BTBD9: variants seen among roughly 807,000 people sequenced by gnomAD.
The protein encoded by BTBD9 is BTB domain containing 9.
A neutral mutation model predicts 64.3 loss-of-function variants in BTBD9; 49 were observed. The observed-to-expected ratio is 0.76, with a 90% CI of 0.61 to 0.97. The LOEUF (loss-of-function observed/expected upper bound fraction) is 0.97. BTBD9 is among the 50% of genes least tolerant of loss of function. The pLI, the probability that BTBD9 is intolerant of heterozygous loss-of-function variation, is 0.00. For missense variants in BTBD9, 598 were observed against 762.1 expected (o/e 0.78, Z 2.53); for synonymous variants, 260 against 274.7 (o/e 0.95, Z 0.53).
intron 6 of BTBD9, among the ~76,000 whole-genome samples, chr6:38,424,594 G>A (rs1285371728): frequency 6.6e-6 from 1 of 151,722 alleles, no homozygotes; most frequent in Non-Finnish European, 1.5e-5. Flanking sequence ...TCGACTCATT[G>A]CAACCGCTGC....
intron 4 of BTBD9, among the ~76,000 whole-genome samples, chr6:38,580,804 T>A (rs188651915): frequency 7.4e-4 from 113 of 152,290 alleles, no homozygotes; most frequent in African/African-American, 2.6e-3. Context: ...TGCTTGAGAC[T>A]AATGTTATTT....
At chr6:38,179,067 G>T (rs1582000854) in intron 10 of BTBD9, among the ~76,000 whole-genome samples, 1 of 152,174 alleles carries the variant, frequency 6.6e-6, no homozygotes, top group South Asian at 2.1e-4. Flanking sequence ...TGGCCAGGAT[G>T]GTCTTGATCT....
chr6:38,500,823 C>G (rs1036488221), intron 6 of BTBD9, among the ~76,000 whole-genome samples: 4 of 152,170 alleles, frequency 2.6e-5, no homozygotes, highest in African/African-American at 9.7e-5. Context: ...ATGCCAGTGA[C>G]AAGAACAGAT....
intron 6 of BTBD9, among the ~76,000 whole-genome samples, chr6:38,352,376 GA>G (rs926462198): frequency 6.0e-4 from 84 of 139,482 alleles, no homozygotes; most frequent in Admixed American, 6.4e-4. Flanking sequence ...AACTCTGTCT[GA>G]AAAAAAAAAA....
At chr6:38,559,218 A>G (rs760792113) in intron 6 of BTBD9, among the ~76,000 whole-genome samples, 1 of 152,134 alleles carries the variant, frequency 6.6e-6, no homozygotes, top group Non-Finnish European at 1.5e-5. Flanking sequence ...GTGTTTTCAT[A>G]ATAGTTTCAG....
At chr6:38,521,985 ACTT>A (rs1427112117) in intron 6 of BTBD9, among the ~76,000 whole-genome samples, 1 of 151,746 alleles carries the variant, frequency 6.6e-6, no homozygotes, top group Non-Finnish European at 1.5e-5. Flanking sequence ...CCTCCTCTCT[ACTT>A]CTAAGTTATC....
Position 38,513,181 on chromosome 6 carries a change from T to C in BTBD9, c.1154+64419A>G, listed in dbSNP as rs550072072. Among the ~76,000 whole-genome samples the C allele has an allele frequency of 9.9e-5, 15 of 152,256 alleles. No homozygotes were observed. The South Asian group carries it at 3.1e-3, about 32-fold the overall frequency. Reference sequence around the variant, plus strand: ...ATTTGAAGAAGTGCTCCTGGCTGGATGCAGTGGCTCATGCCTATAATCCTA... The same window carrying C: ...ATTTGAAGAAGTGCTCCTGGCTGGACGCAGTGGCTCATGCCTATAATCCTA... On this transcript the variant is annotated intron_variant, in intron 6 of 10. Coordinates refer to ENST00000481247, the MANE Select transcript of BTBD9 (RefSeq NM_001099272.2).
In BTBD9 at chr6:38,233,496, A is replaced by G. The variant is rs1763681144; in HGVS notation, c.1562+22913T>C. On this transcript the variant is annotated intron_variant, in intron 9 of 10. Coordinates refer to ENST00000481247, the MANE Select transcript of BTBD9 (RefSeq NM_001099272.2). ...GAAAGAGCACACACCCCTTATGCCC[A>G]TTCTACTGCATCCAGCACACAAGGC... Among the ~76,000 whole-genome samples, 3 of 152,182 alleles carry G rather than the reference A, an allele frequency of 2.0e-5. No individual in the cohort carries two copies. In the South Asian group the frequency reaches 6.2e-4, roughly 32 times the overall value.
intron 6 of BTBD9, among the ~76,000 whole-genome samples, chr6:38,411,723 C>T (rs1385214200): frequency 6.6e-6 from 1 of 152,018 alleles, no homozygotes; most frequent in Non-Finnish European, 1.5e-5. Flanking sequence ...ATTACTTGAG[C>T]TGAGGAGTTT....
intron 9 of BTBD9, among the ~76,000 whole-genome samples, chr6:38,250,443 C>T (rs756766779): frequency 2.0e-5 from 3 of 152,194 alleles, no homozygotes; most frequent in African/African-American, 7.2e-5. Context: ...CAGAACAGTA[C>T]AATTCTTCCA....
chr6:38,377,403 G>C (rs1765733146), intron 6 of BTBD9, among the ~76,000 whole-genome samples: 1 of 152,076 alleles, frequency 6.6e-6, no homozygotes, highest in African/African-American at 2.4e-5. Flanking sequence ...TATTCATTAT[G>C]GTACCTTTTA....
intron 7 of BTBD9, among the ~76,000 whole-genome samples, chr6:38,335,115 G>C (rs1763843356): frequency 6.6e-6 from 1 of 152,034 alleles, no homozygotes; most frequent in Non-Finnish European, 1.5e-5. Context: ...GGTGTGCCTT[G>C]TTTCTCCTTT....
intron 7 of BTBD9, among the ~76,000 whole-genome samples, chr6:38,340,435 A>G (rs1351065038): frequency 6.6e-6 from 1 of 152,228 alleles, no homozygotes; most frequent in African/African-American, 2.4e-5. Context: ...AAAAGGACTC[A>G]AAAACCAATT....
chr6:38,543,985 A>G (rs1396415297), intron 6 of BTBD9, among the ~76,000 whole-genome samples: 7 of 151,756 alleles, frequency 4.6e-5, no homozygotes, highest in Non-Finnish European at 1.0e-4. Context: ...GCCCTGAAGG[A>G]ATTTATAATC....
intron 6 of BTBD9, among the ~76,000 whole-genome samples, chr6:38,503,963 T>A (rs1472398299): frequency 1.3e-5 from 2 of 152,192 alleles, no homozygotes; most frequent in Non-Finnish European, 2.9e-5. Flanking sequence ...TTGTCTCCAT[T>A]GCTAAAAATT....
At chr6:38,575,949 A>G (rs1776005653) in intron 6 of BTBD9, among the ~76,000 whole-genome samples, 1 of 152,194 alleles carries the variant, frequency 6.6e-6, no homozygotes, top group Non-Finnish European at 1.5e-5. Context: ...ATATAAAGGT[A>G]AAGTATATTT....
intron 9 of BTBD9, among the ~76,000 whole-genome samples, chr6:38,254,485 C>A (rs1336240908): frequency 2.6e-5 from 4 of 151,618 alleles, no homozygotes; most frequent in African/African-American, 9.7e-5. Context: ...CAAAAAAAAA[C>A]AATTAGCTGG....
intron 6 of BTBD9, among the ~76,000 whole-genome samples, chr6:38,458,053 G>A (rs148685759): frequency 2.0e-5 from 3 of 152,198 alleles, no homozygotes; most frequent in Admixed American, 6.5e-5. Context: ...CAAGCTTTAC[G>A]CGCCAGATTT....
intron 6 of BTBD9, among the ~76,000 whole-genome samples, chr6:38,520,350 A>G (rs1288042105): frequency 2.0e-5 from 3 of 152,264 alleles, no homozygotes; most frequent in South Asian, 2.1e-4. Context: ...CGTCCCAGCT[A>G]CTCAGGAGGC....
Sources: gnomAD v4.1 joint callset for allele counts (sites outside exome capture counted in the v4.1 genomes callset) on GRCh38, gnomAD v4.1.1 for gene constraint, MANE v1.5 for transcripts, NCBI Gene and HGNC (gene_info 2026-07-23, HGNC 2026-07-21) for gene names.